The following WSCD2 variants were observed in gnomAD, a reference collection of about 807,000 sequenced individuals.
WSCD2 encodes WSC domain sialate O sulfotransferase 2, also known as sialate:O-sulfotransferase 2.
A neutral mutation model predicts 55.7 loss-of-function variants in WSCD2; 28 were observed. The observed-to-expected ratio is 0.50, with a 90% CI of 0.37 to 0.69. The LOEUF (loss-of-function observed/expected upper bound fraction) is 0.69, where lower values mean the gene tolerates loss of function less well. WSCD2 is among the 30% of genes least tolerant of loss of function. The probability of loss-of-function intolerance (pLI) is 0.00; values close to 1 mark genes in which losing one functional copy is unlikely to be tolerated. For synonymous variants in WSCD2, 301 were observed against 301.9 expected (o/e 1.00, Z 0.03); for missense variants, 616 against 762.1 (o/e 0.81, Z 2.26).
intron 1 of WSCD2, among the ~76,000 whole-genome samples, chr12:108,139,203 T>C (rs1480837266): frequency 6.6e-6 from 1 of 152,238 alleles, no homozygotes; most frequent in Admixed American, 6.5e-5. Flanking sequence ...GATCATTCCT[T>C]AGGCATTGGA....
chr12:108,248,740 A>G lies in WSCD2; in HGVS notation c.*397A>G. The G allele has an allele frequency of 1.0e-6, 1 of 1,001,680 alleles. No individual in the cohort carries two copies. The highest frequency in any genetic ancestry group is 9.8e-5 in the East Asian group (1 of 10,160). The allele number at this position is 1,001,680 out of a possible 1,614,324, so 62.0% of individuals were successfully genotyped here. Reference sequence around the variant, plus strand: ...TCTTGATGCAAGAGCCCAGGGGGCTATTGTAAAAACTTGGCCCCAGATGCT... The same window carrying G: ...TCTTGATGCAAGAGCCCAGGGGGCTGTTGTAAAAACTTGGCCCCAGATGCT... On this transcript the variant is annotated 3_prime_UTR_variant, in exon 9 of 9. Transcript: ENST00000547525. This position sits in a 1 kb window ranked among gnomAD's most constrained non-coding sequence, Gnocchi z 4.3.
intron 1 of WSCD2, among the ~76,000 whole-genome samples, chr12:108,165,228 A>G (rs1879490268): frequency 6.6e-6 from 1 of 152,214 alleles, no homozygotes; most frequent in African/African-American, 2.4e-5. Context: ...TTCCGGGCCA[A>G]TAGACCCCTC....
chr12:108,228,100 T>G (rs1454957312), intron 6 of WSCD2, among the ~76,000 whole-genome samples: 1 of 152,114 alleles, frequency 6.6e-6, no homozygotes, highest in African/African-American at 2.4e-5. Context: ...GAACTTACCT[T>G]AAGTCATACT....
intron 4 of WSCD2, among the ~76,000 whole-genome samples, chr12:108,218,365 G>A (rs1367158229): frequency 6.6e-6 from 1 of 152,190 alleles, no homozygotes; most frequent in Non-Finnish European, 1.5e-5. Context: ...CCTCAGCCAG[G>A]ATGGCTCATC....
At chr12:108,140,424 G>A (rs1483968300) in intron 1 of WSCD2, among the ~76,000 whole-genome samples, 1 of 152,196 alleles carries the variant, frequency 6.6e-6, no homozygotes, top group Non-Finnish European at 1.5e-5. Context: ...TATGAGCAGA[G>A]TGAAGAGGCA....
At chr12:108,243,124 G>A (rs75980172) in intron 8 of WSCD2, among the ~76,000 whole-genome samples, 3,779 of 152,344 alleles carry the variant, frequency 0.025, 222 homozygotes, top group East Asian at 0.25. Flanking sequence ...TTGCTTTAAG[G>A]TCCTGAATCA....
At chr12:108,200,812 G>A (rs951564785) in intron 2 of WSCD2, among the ~76,000 whole-genome samples, 6 of 152,158 alleles carry the variant, frequency 3.9e-5, no homozygotes, top group Non-Finnish European at 7.4e-5. Context: ...AGCTTAGTAT[G>A]TAGGATCCTT....
At chr12:108,172,690 CACAGA>C (rs1284021772) in intron 1 of WSCD2, among the ~76,000 whole-genome samples, 3 of 152,192 alleles carry the variant, frequency 2.0e-5, no homozygotes, top group African/African-American at 7.2e-5. Flanking sequence ...GGAAGAGGGG[CACAGA>C]ACAGATTTTT....
chr12:108,194,581 A>C (rs1883643409), intron 1 of WSCD2, among the ~76,000 whole-genome samples: 1 of 152,244 alleles, frequency 6.6e-6, no homozygotes, highest in South Asian at 2.1e-4. Flanking sequence ...AATAAAGGAG[A>C]CAAGTGTAGA....
intron 5 of WSCD2, among the ~76,000 whole-genome samples, chr12:108,226,680 A>G (rs1434877912): frequency 6.6e-6 from 1 of 152,164 alleles, no homozygotes; most frequent in Non-Finnish European, 1.5e-5. Flanking sequence ...TACAGTATGG[A>G]GATGTATGGA....
At chr12:108,173,484 C>G (rs1479396701) in intron 1 of WSCD2, among the ~76,000 whole-genome samples, 4 of 152,148 alleles carry the variant, frequency 2.6e-5, no homozygotes, top group South Asian at 4.1e-4. Flanking sequence ...GAGGCCCCCC[C>G]ACCCTCCCCT....
At chr12:108,151,386 C>G (rs185122197) in intron 1 of WSCD2, among the ~76,000 whole-genome samples, 2 of 152,034 alleles carry the variant, frequency 1.3e-5, no homozygotes, top group Non-Finnish European at 2.9e-5. Context: ...AAAAATTGGC[C>G]CCAGTTAAGA....
At chr12:108,160,648 C>T (rs1335250616) in intron 1 of WSCD2, among the ~76,000 whole-genome samples, 1 of 152,138 alleles carries the variant, frequency 6.6e-6, no homozygotes, top group Non-Finnish European at 1.5e-5. Flanking sequence ...CTCACCAGGC[C>T]CCACCTGCAA....
At chr12:108,182,506 A>G (rs1687729497) in intron 1 of WSCD2, among the ~76,000 whole-genome samples, 1 of 152,230 alleles carries the variant, frequency 6.6e-6, no homozygotes, top group African/African-American at 2.4e-5. Flanking sequence ...GGTTAAGGAT[A>G]TGCCCAGGAG....
At position 108,171,057 on chromosome 12, in the gene WSCD2, C is replaced by T. The variant is rs546132789; in HGVS notation, c.-551-24225C>T. ...GTTCTTTTGTGCCCATGAAATGAATCGCTGGGTACCTGGACTAGTCTGGGT... is the reference window on the plus strand; with the variant it reads ...GTTCTTTTGTGCCCATGAAATGAATTGCTGGGTACCTGGACTAGTCTGGGT... On this transcript the variant is annotated intron_variant, in intron 1 of 8. Transcript: ENST00000547525. 5.9e-5 allele frequency among the ~76,000 whole-genome samples: 9 copies of T among 152,252 alleles called. No individual in the cohort carries two copies. In the South Asian group the frequency reaches 1.2e-3, roughly 21 times the overall value.
At chr12:108,170,801 G>A (rs1000879792) in intron 1 of WSCD2, among the ~76,000 whole-genome samples, 21 of 152,332 alleles carry the variant, frequency 1.4e-4, no homozygotes, top group African/African-American at 4.8e-4. Context: ...TTACAGAATG[G>A]TAGGCAAGTT....
chr12:108,134,989 A>G (rs1401439230), intron 1 of WSCD2, among the ~76,000 whole-genome samples: 1 of 152,152 alleles, frequency 6.6e-6, no homozygotes, highest in East Asian at 1.9e-4. Context: ...GGCATGTTTT[A>G]TGTAACTGAT....
At chr12:108,162,803 G>T (rs1879205753) in intron 1 of WSCD2, among the ~76,000 whole-genome samples, 1 of 152,192 alleles carries the variant, frequency 6.6e-6, no homozygotes, top group Admixed American at 6.5e-5. Flanking sequence ...GGATTCTGGA[G>T]TCTGACAGAC....
chr12:108,165,560 G>A (rs1377575290), intron 1 of WSCD2, among the ~76,000 whole-genome samples: 2 of 152,160 alleles, frequency 1.3e-5, no homozygotes, highest in African/African-American at 4.8e-5. Flanking sequence ...AACAGAGCAG[G>A]CCCAGTTTGG....
Sources: allele counts gnomAD v4.1 joint callset (sites outside exome capture counted in the v4.1 genomes callset), GRCh38; gene constraint gnomAD v4.1.1; non-coding constraint Gnocchi (gnomAD v3.1); transcripts MANE v1.5; gene names NCBI Gene and HGNC (gene_info 2026-07-23, HGNC 2026-07-21).